LIN7A: variants seen among roughly 807,000 people sequenced by gnomAD.
LIN7A encodes lin-7 cell polarity scaffold A.
A neutral mutation model predicts 29.8 loss-of-function variants in LIN7A; 25 were observed. The observed-to-expected ratio is 0.84, with a 90% CI of 0.61 to 1.17. The LOEUF (loss-of-function observed/expected upper bound fraction) is 1.17, where lower values mean the gene tolerates loss of function less well. LIN7A is among the 50% of genes most tolerant of loss of function. The pLI is 0.00. For missense variants in LIN7A, 239 were observed against 287.0 expected, an observed-to-expected ratio of 0.83 and a Z score of 1.21; for synonymous variants, 118 against 107.5, an observed-to-expected ratio of 1.10 and a Z score of -0.60.
At chr12:80,909,701 A>G (rs1876658323) in intron 1 of LIN7A, among the ~76,000 whole-genome samples, 1 of 152,128 alleles carries the variant, frequency 6.6e-6, no homozygotes, top group Admixed American at 6.6e-5. Flanking sequence ...CCACCTCCTA[A>G]TAGTACGGCC....
intron 2 of LIN7A, among the ~76,000 whole-genome samples, chr12:80,854,537 A>G: frequency 6.6e-6 from 1 of 151,308 alleles, no homozygotes; most frequent in Non-Finnish European, 1.5e-5. Context: ...TTTATGTGAC[A>G]CTTTGAAAAA....
chr12:80,904,772 T>G (rs1163231287), intron 1 of LIN7A, among the ~76,000 whole-genome samples: 1 of 152,228 alleles, frequency 6.6e-6, no homozygotes, highest in Admixed American at 6.5e-5. Flanking sequence ...TGAGATGTCT[T>G]GGGGGTGGAA....
intron 1 of LIN7A, among the ~76,000 whole-genome samples, chr12:80,920,295 T>C (rs572550149): frequency 1.3e-5 from 2 of 152,236 alleles, no homozygotes; most frequent in Non-Finnish European, 2.9e-5. Context: ...TTTTCAACTA[T>C]TTAAATATGT....
intron 2 of LIN7A, among the ~76,000 whole-genome samples, chr12:80,875,276 T>C (rs1328701520): frequency 1.3e-5 from 2 of 152,150 alleles, no homozygotes; most frequent in Admixed American, 1.3e-4. Flanking sequence ...TTAATAAAAA[T>C]ATTTGCACAT....
chr12:80,797,949 T>C lies in LIN7A; in HGVS notation c.*1-223A>G, dbSNP rs114176129. Among the ~76,000 whole-genome samples the C allele has an allele frequency of 3.0e-3, 452 of 152,282 alleles. 2 individuals are homozygous for C. Among genetic ancestry groups the C allele is most frequent in the African/African-American group, 0.01 (432 of 41,558 alleles). ...GAAAAGCCACAGTTGTTCCCTAAAATGAAATAAAGAACACCAGTTTGGAAA... is the reference window on the plus strand; with the variant it reads ...GAAAAGCCACAGTTGTTCCCTAAAACGAAATAAAGAACACCAGTTTGGAAA... On this transcript the variant is annotated intron_variant, in intron 5 of 5. Transcript: ENST00000552864.
chr12:80,889,362 T>G lies in LIN7A; in HGVS notation c.90A>C (p.Ala30=). ...GTTTTTCCAGTAATTCAATTGCTCT[T>G]GCAACATCTGAATGAAAAAAAATGA... is the stretch of plus-strand genomic sequence containing the variant. ...VQPLTLDRDV[A]RAIELLEKLQ... Residue 30 remains alanine (A), a synonymous_variant, in exon 2 of 6, where the codon GCA becomes GCC. Transcript: ENST00000552864. 1 of 1,585,740 alleles carries G rather than the reference T, an allele frequency of 6.3e-7. No individual in the cohort carries two copies. The highest frequency in any genetic ancestry group is 8.7e-7 in the Non-Finnish European group (1 of 1,155,390).
intron 1 of LIN7A, among the ~76,000 whole-genome samples, chr12:80,900,251 C>T (rs1379565336): frequency 6.6e-6 from 1 of 152,040 alleles, no homozygotes; most frequent in Non-Finnish European, 1.5e-5. Flanking sequence ...TTTTTCATGC[C>T]TGAATTTCCT....
intron 5 of LIN7A, among the ~76,000 whole-genome samples, chr12:80,809,557 AG>A (rs1223959938): frequency 6.6e-6 from 1 of 152,232 alleles, no homozygotes; most frequent in Non-Finnish European, 1.5e-5. Flanking sequence ...AAAAAGGAAA[AG>A]AATTCTATGT....
chr12:80,822,719 G>A (rs754825344), intron 4 of LIN7A, among the ~76,000 whole-genome samples: 7 of 152,264 alleles, frequency 4.6e-5, no homozygotes, highest in Admixed American at 6.5e-5. Flanking sequence ...AAGGAAAGCC[G>A]AGGGGGCCTA....
At chr12:80,830,683 T>A (rs1346906484) in intron 4 of LIN7A, among the ~76,000 whole-genome samples, 1 of 152,218 alleles carries the variant, frequency 6.6e-6, no homozygotes, top group Non-Finnish European at 1.5e-5. Flanking sequence ...AGTGAATTAC[T>A]AACACTGAAC....
At chr12:80,820,093 T>C (rs894175691) in intron 4 of LIN7A, among the ~76,000 whole-genome samples, 21 of 152,202 alleles carry the variant, frequency 1.4e-4, no homozygotes, top group Admixed American at 9.2e-4. Flanking sequence ...ATATGCTAAT[T>C]ACAAATGATC....
At chr12:80,819,404 C>T (rs1871690671) in intron 4 of LIN7A, among the ~76,000 whole-genome samples, 1 of 152,106 alleles carries the variant, frequency 6.6e-6, no homozygotes. Context: ...CTAATGATCT[C>T]CCATAGTACT....
At chr12:80,937,579 A>T in intron 1 of LIN7A, 62 bp downstream of exon 1, 1 of 1,219,284 alleles carries the variant, frequency 8.2e-7, no homozygotes, top group African/African-American at 1.6e-5. Context: ...GGGAATTGGC[A>T]GGCGGGGAAG....
At chr12:80,897,183 C>A (rs1277889089) in intron 1 of LIN7A, among the ~76,000 whole-genome samples, 1 of 151,298 alleles carries the variant, frequency 6.6e-6, no homozygotes, top group African/African-American at 2.4e-5. Flanking sequence ...TTTTGCCTTC[C>A]TTTCTGTTTC....
chr12:80,801,897 C>CT (rs538377751), intron 5 of LIN7A, among the ~76,000 whole-genome samples: 2,214 of 138,626 alleles, frequency 0.016, 41 homozygotes, highest in African/African-American at 0.044. Flanking sequence ...ATGAGTCTAA[C>CT]TTTTTTTTTT....
chr12:80,801,063 CATAT>C (rs139830315), intron 5 of LIN7A, among the ~76,000 whole-genome samples: 11,494 of 149,264 alleles, frequency 0.077, 1,206 homozygotes, highest in African/African-American at 0.24. Flanking sequence ...TGAAAATAAG[CATAT>C]ATATATATAT....
In LIN7A at chr12:80,896,593, C is replaced by T. The variant is rs540800569; in HGVS notation, c.83-7224G>A. On this transcript the variant is annotated intron_variant, in intron 1 of 5. Transcript: ENST00000552864. Reference sequence around the variant, plus strand: ...GCTTTAATCTGCCAACAACTTGCTGCGTTCCTCAAATGCAGACTAATTGGC... The same window carrying T: ...GCTTTAATCTGCCAACAACTTGCTGTGTTCCTCAAATGCAGACTAATTGGC... Among the ~76,000 whole-genome samples the T allele has an allele frequency of 1.1e-4, 16 of 152,300 alleles. No individual in the cohort carries two copies. In the East Asian group the frequency reaches 2.7e-3, roughly 26 times the overall value.
At chr12:80,931,867 T>G (rs1177031961) in intron 1 of LIN7A, among the ~76,000 whole-genome samples, 1 of 152,164 alleles carries the variant, frequency 6.6e-6, no homozygotes, top group African/African-American at 2.4e-5. Flanking sequence ...ACATAAAATA[T>G]AGTCAGCCCT....
At chr12:80,907,984 T>C (rs1037795177) in intron 1 of LIN7A, among the ~76,000 whole-genome samples, 1 of 152,130 alleles carries the variant, frequency 6.6e-6, no homozygotes, top group Non-Finnish European at 1.5e-5. Flanking sequence ...CATAAATTTA[T>C]AGATAAGCAA....
Sources: allele counts gnomAD v4.1 joint callset (sites outside exome capture counted in the v4.1 genomes callset), GRCh38; gene constraint gnomAD v4.1.1; transcripts MANE v1.5; gene names NCBI Gene and HGNC (gene_info 2026-07-23, HGNC 2026-07-21).